The following KCNAB3 variants were observed in gnomAD, a reference collection of about 807,000 sequenced individuals.
KCNAB3 encodes the protein voltage-gated potassium channel subunit beta-3.
In KCNAB3, 62 loss-of-function variants were observed where a neutral mutation model predicts 67.7. That is an observed-to-expected ratio of 0.92 (90% confidence interval 0.75 to 1.13). The LOEUF (loss-of-function observed/expected upper bound fraction) is 1.13, where lower values mean the gene tolerates loss of function less well. Ranked by LOEUF, KCNAB3 falls within the 50% of genes most tolerant of loss-of-function variation. KCNAB3 has a pLI of 0.00. For missense variants in KCNAB3, 514 were observed against 522.9 expected, an observed-to-expected ratio of 0.98 and a Z score of 0.17; for synonymous variants, 212 against 205.4, an observed-to-expected ratio of 1.03 and a Z score of -0.27.
rs1374601997 is a variant in KCNAB3, at chr17:7,922,927, A to C, written c.*175T>G. On this transcript the variant is annotated 3_prime_UTR_variant, in exon 14 of 14. Coordinates refer to ENST00000303790, the MANE Select transcript of KCNAB3 (RefSeq NM_004732.4). ...ACTTTCTCTCTCGACCCCACTGCAA[A>C]AGGATATGGCTTTGTTCATGCGTAT... The C allele has an allele frequency of 4.6e-5, 29 of 626,214 alleles. No homozygotes were observed. The highest frequency in any genetic ancestry group is 6.6e-5 in the Non-Finnish European group (23 of 347,918). The allele number at this position is 626,214 out of a possible 1,614,324, so 38.8% of individuals were successfully genotyped here. A position where few individuals can be genotyped will look rare whatever the true frequency, so the allele number is the denominator to read the frequency against.
In KCNAB3 at chr17:7,929,820, G is replaced by GAGAT; in HGVS notation, c.-386_-385insATCT. ...TTCAGCGCGAACCGCTGCGGGACCC[G>GAGAT]CTGGGCTCCCAGCCGCGTCGGCAGC... On this transcript the variant is annotated 5_prime_UTR_variant, in exon 1 of 14. Transcript: ENST00000303790. This position sits in a 1 kb window ranked among gnomAD's most constrained non-coding sequence, Gnocchi z 5.7. The GAGAT allele has an allele frequency of 2.0e-6, 2 of 1,022,710 alleles. No homozygotes were observed. The highest frequency in any genetic ancestry group is 2.3e-6 in the Non-Finnish European group (2 of 854,732). 63.4% of individuals were successfully genotyped at this position (1,022,710 alleles called of 1,614,324 possible).
At chr17:7,925,439 G>T (rs1026771959) in intron 7 of KCNAB3, 44 of 591,112 alleles carry the variant, frequency 7.4e-5, no homozygotes, top group African/African-American at 6.4e-4. Flanking sequence ...TGAGGTAGGA[G>T]AATCCCTTGA....
intron 3 of KCNAB3, 110 bp from the exon 4 acceptor site, chr17:7,927,533 C>T (rs1473514385): frequency 6.6e-7 from 1 of 1,507,938 alleles, no homozygotes; most frequent in East Asian, 2.3e-5. Context: ...TCCCCTCTCC[C>T]CATCCTCCAG....
chr17:7,923,622 A>C, intron 12 of KCNAB3, 78 bp from the exon 13 acceptor site: 1 of 1,554,124 alleles, frequency 6.4e-7, no homozygotes, highest in Non-Finnish European at 8.7e-7. Context: ...TCTGAAGACA[A>C]GCGTCCTCCC....
In KCNAB3 at chr17:7,929,243, CGGGCGCTGGG is replaced by C; in HGVS notation, c.183_192del (p.Pro62LeufsTer14). The C allele has an allele frequency of 6.2e-7, 1 of 1,609,944 alleles. No individual in the cohort carries two copies. Among genetic ancestry groups the C allele is most frequent in the African/African-American group, 1.3e-5 (1 of 74,952 alleles). ...CCGGTGCTCTCTCGGAGGGCCCCAG[CGGGCGCTGGG>C]GGTCGGGGAACCAGTGCAGCTCGGG... On this transcript the variant is annotated frameshift_variant, in exon 1 of 14. Transcript: ENST00000303790. LOFTEE classifies it high-confidence loss of function. The surrounding 1 kb of genome is among the most constrained non-coding windows in gnomAD (Gnocchi z 5.7).
rs1680638512 is a variant in KCNAB3, at chr17:7,925,727, C to G, written c.495-1G>C. 1 of 1,613,988 alleles carries G rather than the reference C, an allele frequency of 6.2e-7. No homozygotes were observed. The highest frequency in any genetic ancestry group is 8.5e-7 in the Non-Finnish European group (1 of 1,180,000). On this transcript the variant is annotated splice_acceptor_variant, in intron 6 of 13. Transcript: ENST00000303790. LOFTEE classifies it high-confidence loss of function. ...GCTTAAACCTCGCTCGGTTTCTGCCCTGTAGGAAAAGGTAAGTCAAAGATG... is the reference window on the plus strand; with the variant it reads ...GCTTAAACCTCGCTCGGTTTCTGCCGTGTAGGAAAAGGTAAGTCAAAGATG...
At position 7,926,042 on chromosome 17, in the gene KCNAB3, C is replaced by T; in HGVS notation, c.449+17G>A. The T allele has an allele frequency of 6.2e-7, 1 of 1,614,124 alleles. No homozygotes were observed. Among genetic ancestry groups the T allele is most frequent in the South Asian group, 1.1e-5 (1 of 91,070 alleles). ...TTGGGTGATCACATCCCCAGCAACC[C>T]CCCAAAACAGTCTCACCTCCAACCT... On this transcript the variant is annotated intron_variant, in intron 5 of 13. Coordinates refer to ENST00000303790, the MANE Select transcript of KCNAB3 (RefSeq NM_004732.4).
chr17:7,922,905 T>C lies in KCNAB3; in HGVS notation c.*197A>G. The C allele has an allele frequency of 3.4e-6, 2 of 596,418 alleles. No individual in the cohort carries two copies. The highest frequency in any genetic ancestry group is 3.0e-6 in the Non-Finnish European group (1 of 331,648). 36.9% of individuals were successfully genotyped at this position (596,418 alleles called of 1,614,324 possible). A position where few individuals can be genotyped will look rare whatever the true frequency, so the allele number is the denominator to read the frequency against. ...CGCAGCAGGGGGCGGGCGTGCTACT[T>C]TCTCTCTCGACCCCACTGCAAAAGG... On this transcript the variant is annotated 3_prime_UTR_variant, in exon 14 of 14. Coordinates refer to ENST00000303790, the MANE Select transcript of KCNAB3 (RefSeq NM_004732.4).
In KCNAB3 at chr17:7,923,160, G is replaced by A. The variant is rs762579506; in HGVS notation, c.1157C>T (p.Pro386Leu). Residue 386 changes from proline to leucine, a missense_variant, in exon 14 of 14, where the codon CCG (proline) becomes CTG (leucine). By Grantham distance (98) the Pro-to-Leu change is moderately conservative (BLOSUM62 -3). Coordinates refer to ENST00000303790, the MANE Select transcript of KCNAB3 (RefSeq NM_004732.4). ...GALQVLSQLTPQTVMEIDGLL... is the reference protein window; with the variant it reads ...GALQVLSQLTLQTVMEIDGLL... Reference sequence around the variant, plus strand: ...CCCGTCTATTTCCATCACTGTCTGCGGGGTCAGCTGGCTCAGCACCTGGAG... The same window carrying A: ...CCCGTCTATTTCCATCACTGTCTGCAGGGTCAGCTGGCTCAGCACCTGGAG... 1.2e-6 allele frequency: 2 copies of A among 1,614,184 alleles called. No homozygotes were observed. Among genetic ancestry groups the A allele is most frequent in the Non-Finnish European group, 1.7e-6 (2 of 1,180,034 alleles).
At position 7,923,176 on chromosome 17, in the gene KCNAB3, G is replaced by T; in HGVS notation, c.1141C>A (p.Leu381Met). 6.2e-7 allele frequency: 1 copy of T among 1,614,130 alleles called. No homozygotes were observed. The highest frequency in any genetic ancestry group is 8.5e-7 in the Non-Finnish European group (1 of 1,179,960). Residue 381 changes from leucine to methionine, a missense_variant, in exon 14 of 14, where the codon CTG becomes ATG. Physicochemically the swap from Leu to Met is conservative, Grantham distance 15. Coordinates refer to ENST00000303790, the MANE Select transcript of KCNAB3 (RefSeq NM_004732.4). ...LIEHLGALQV[L>M]SQLTPQTVME... Reference sequence around the variant, plus strand: ...ACTGTCTGCGGGGTCAGCTGGCTCAGCACCTGGAGGAGAGTGGGACGGTGG... The same window carrying T: ...ACTGTCTGCGGGGTCAGCTGGCTCATCACCTGGAGGAGAGTGGGACGGTGG...
At chr17:7,923,862 C>T in intron 11 of KCNAB3, 31 bp from the exon 12 acceptor site, 1 of 1,561,894 alleles carries the variant, frequency 6.4e-7, no homozygotes, top group South Asian at 1.2e-5. Flanking sequence ...ACAGAAGACC[C>T]CGCCATCACC....
intron 4 of KCNAB3, among the ~76,000 whole-genome samples, chr17:7,926,642 T>C (rs1972241828): frequency 6.6e-6 from 1 of 152,258 alleles, no homozygotes; most frequent in South Asian, 2.1e-4. Context: ...GGTGGACTGT[T>C]ACTGAAATGT....
chr17:7,922,974 G>A lies in KCNAB3; in HGVS notation c.*128C>T. ...GTATCACTACTCGAAGCCGGGACTC[G>A]TTGGTGGGCGGGGCTAGTCTGGCTC... On this transcript the variant is annotated 3_prime_UTR_variant, in exon 14 of 14. Transcript: ENST00000303790. The A allele has an allele frequency of 1.2e-6, 1 of 830,418 alleles. No individual in the cohort carries two copies. The highest frequency in any genetic ancestry group is 2.0e-6 in the Non-Finnish European group (1 of 487,890). 51.4% of individuals were successfully genotyped at this position (830,418 alleles called of 1,614,324 possible). A position where few individuals can be genotyped will look rare whatever the true frequency, so the allele number is the denominator to read the frequency against.
In KCNAB3 at chr17:7,929,760, A is replaced by C; in HGVS notation, c.-325T>G. 2.6e-6 allele frequency: 3 copies of C among 1,165,330 alleles called. No homozygotes were observed. The highest frequency in any genetic ancestry group is 6.1e-5 in the East Asian group (1 of 16,278). The allele number at this position is 1,165,330 out of a possible 1,614,324, so 72.2% of individuals were successfully genotyped here. A position where few individuals can be genotyped will look rare whatever the true frequency, so the allele number is the denominator to read the frequency against. On this transcript the variant is annotated 5_prime_UTR_variant, in exon 1 of 14. Transcript: ENST00000303790. The surrounding 1 kb of genome is among the most constrained non-coding windows in gnomAD (Gnocchi z 5.7). ...GAGGTAAAGGTCTCGGAGGATAAGG[A>C]CCCAGGGGGAAGCGGGGCGGGAGAG...
intron 4 of KCNAB3, 62 bp from the exon 5 acceptor site, chr17:7,926,165 T>G: frequency 6.3e-7 from 1 of 1,584,666 alleles, no homozygotes; most frequent in Non-Finnish European, 8.7e-7. Context: ...CTTCCTCTCC[T>G]CCCCACCTTT....
intron 3 of KCNAB3, 34 bp downstream of exon 3, chr17:7,927,623 C>T: frequency 1.9e-6 from 3 of 1,613,432 alleles, no homozygotes; most frequent in Non-Finnish European, 2.5e-6. Flanking sequence ...TCCCTCACCC[C>T]CACCACCCTG....
chr17:7,928,121 G>A (rs551498163), intron 1 of KCNAB3: 1 of 542,482 alleles, frequency 1.8e-6, no homozygotes, highest in African/African-American at 1.9e-5. Flanking sequence ...TTCTTCTGGG[G>A]TCTTGTCTGT....
chr17:7,929,596 G>A lies in KCNAB3; in HGVS notation c.-161C>T. 1.4e-6 allele frequency: 2 copies of A among 1,437,856 alleles called. No homozygotes were observed. Among genetic ancestry groups the A allele is most frequent in the Admixed American group, 2.8e-5 (1 of 35,220 alleles). 89.1% of individuals were successfully genotyped at this position (1,437,856 alleles called of 1,614,324 possible). ...CCGCCAGGCAGGATCGGGCCCGCGGGGGCGGGCTGCTGGAGGTCGCGAGGT... is the reference window on the plus strand; with the variant it reads ...CCGCCAGGCAGGATCGGGCCCGCGGAGGCGGGCTGCTGGAGGTCGCGAGGT... On this transcript the variant is annotated 5_prime_UTR_variant, in exon 1 of 14. Coordinates refer to ENST00000303790, the MANE Select transcript of KCNAB3 (RefSeq NM_004732.4). The surrounding 1 kb of genome is among the most constrained non-coding windows in gnomAD (Gnocchi z 5.7).
At position 7,923,069 on chromosome 17, in the gene KCNAB3, G is replaced by A; in HGVS notation, c.*33C>T. The A allele has an allele frequency of 1.9e-6, 3 of 1,604,646 alleles. No homozygotes were observed. The highest frequency in any genetic ancestry group is 2.6e-6 in the Non-Finnish European group (3 of 1,171,556). ...GGAGCGGGGCTCGGGCGGGTGCAGC[G>A]ACACCGGGTTGGGTCCCTGCGCCCG... On this transcript the variant is annotated 3_prime_UTR_variant, in exon 14 of 14. Coordinates refer to ENST00000303790, the MANE Select transcript of KCNAB3 (RefSeq NM_004732.4).
Sources: allele counts gnomAD v4.1 joint callset (sites outside exome capture counted in the v4.1 genomes callset), GRCh38; gene constraint gnomAD v4.1.1; non-coding constraint Gnocchi (gnomAD v3.1); transcripts MANE v1.5; gene names NCBI Gene and HGNC (gene_info 2026-07-23, HGNC 2026-07-21).